MAN1A1: variants seen among roughly 807,000 people sequenced by gnomAD.
MAN1A1 encodes mannosyl-oligosaccharide 1,2-alpha-mannosidase IA.
A neutral mutation model predicts 70.8 loss-of-function variants in MAN1A1; 29 were observed. The observed-to-expected ratio is 0.41, with a 90% CI of 0.31 to 0.56. The LOEUF is 0.56. Among genes scored for constraint, MAN1A1 ranks in the 20% least tolerant of loss-of-function variants. The probability of loss-of-function intolerance (pLI) is 0.29; values close to 1 mark genes in which losing one functional copy is unlikely to be tolerated. For missense variants in MAN1A1, 747 were observed against 841.3 expected (o/e 0.89, Z 1.39); for synonymous variants, 349 against 330.1 (o/e 1.06, Z -0.62).
At chr6:119,234,139 C>T (rs959066784) in intron 6 of MAN1A1, among the ~76,000 whole-genome samples, 1 of 152,146 alleles carries the variant, frequency 6.6e-6, no homozygotes, top group Non-Finnish European at 1.5e-5. Context: ...TGATCTCCCA[C>T]TTCAAGATAA....
intron 2 of MAN1A1, among the ~76,000 whole-genome samples, chr6:119,322,812 C>A (rs17081026): frequency 2.6e-5 from 4 of 152,192 alleles, no homozygotes; most frequent in African/African-American, 9.6e-5. Context: ...GCAAACCAAG[C>A]TGTGGGTAAC....
intron 2 of MAN1A1, among the ~76,000 whole-genome samples, chr6:119,333,498 G>A (rs1233830923): frequency 2.0e-5 from 3 of 152,180 alleles, no homozygotes; most frequent in South Asian, 4.1e-4. Flanking sequence ...CATTAGTACC[G>A]CCTCTCTCCA....
At chr6:119,199,554 T>TA (rs917448551) in intron 8 of MAN1A1, among the ~76,000 whole-genome samples, 12 of 152,268 alleles carry the variant, frequency 7.9e-5, no homozygotes, top group African/African-American at 2.6e-4. Context: ...TTTTTTTTTT[T>TA]ACTGTTTCAG....
At chr6:119,259,347 T>C (rs1308399294) in intron 5 of MAN1A1, among the ~76,000 whole-genome samples, 1 of 152,194 alleles carries the variant, frequency 6.6e-6, no homozygotes, top group Non-Finnish European at 1.5e-5. Flanking sequence ...ATTTGAACAA[T>C]TAAACTCTAT....
intron 6 of MAN1A1, among the ~76,000 whole-genome samples, chr6:119,205,318 A>C (rs200464848): frequency 2.0e-5 from 3 of 152,224 alleles, no homozygotes; most frequent in East Asian, 3.8e-4. Context: ...TTTTATGTGG[A>C]TAGAAGATAA....
At position 119,200,453 on chromosome 6, in the gene MAN1A1, TA is replaced by T. The variant is rs140209288; in HGVS notation, c.1210+800del. 2.8e-3 allele frequency among the ~76,000 whole-genome samples: 422 copies of T among 152,308 alleles called. 4 individuals are homozygous for T. Among genetic ancestry groups the T allele is most frequent in the African/African-American group, 9.4e-3 (389 of 41,560 alleles). ...AACTATTCTTTAAGAAAAGTACTTC[TA>T]AAGTAATAATGAGGTATCTAAGAAC... On this transcript the variant is annotated intron_variant, in intron 8 of 12. Transcript: ENST00000368468.
At chr6:119,199,741 C>CAA (rs11383265) in intron 8 of MAN1A1, among the ~76,000 whole-genome samples, 287 of 140,974 alleles carry the variant, frequency 2.0e-3, no homozygotes, top group Middle Eastern at 0.011. Context: ...TTCTCTCTAC[C>CAA]AAAAAAAAAA....
intron 2 of MAN1A1, among the ~76,000 whole-genome samples, chr6:119,336,000 A>C (rs539765033): frequency 6.6e-6 from 1 of 152,186 alleles, no homozygotes; most frequent in East Asian, 1.9e-4. Flanking sequence ...ACCTAGCAAC[A>C]TGCTAAAAAT....
At chr6:119,269,218 T>G (rs919233545) in intron 5 of MAN1A1, 1 of 255,164 alleles carries the variant, frequency 3.9e-6, no homozygotes, top group Non-Finnish European at 7.7e-6. Context: ...CATAGCCTCA[T>G]AAGCTGCTTT....
chr6:119,258,805 C>T (rs1775529125), intron 5 of MAN1A1, among the ~76,000 whole-genome samples: 1 of 152,014 alleles, frequency 6.6e-6, no homozygotes, highest in Non-Finnish European at 1.5e-5. Context: ...AATGATCCTG[C>T]CTTTACTCAG....
At chr6:119,214,545 G>C (rs1158945451) in intron 6 of MAN1A1, among the ~76,000 whole-genome samples, 1 of 151,676 alleles carries the variant, frequency 6.6e-6, no homozygotes, top group African/African-American at 2.4e-5. Flanking sequence ...TTTTAGACAG[G>C]GTCTCACTCT....
At chr6:119,217,762 A>C (rs1419458748) in intron 6 of MAN1A1, among the ~76,000 whole-genome samples, 2 of 152,196 alleles carry the variant, frequency 1.3e-5, no homozygotes, top group Non-Finnish European at 2.9e-5. Context: ...ACCCCATTGC[A>C]ATTCCTCCTG....
Position 119,204,814 on chromosome 6 carries a change from T to G in MAN1A1, c.1061A>C (p.His354Pro). The part of the protein sequence containing the change: ...SSILAEFGTL[H>P]LEFMHLSHLS... ...GTGGCTCAAGTGCATAAACTCCAAATGCAGGGTTCCAAATTCTGCCAGAAT... is the reference window on the plus strand; with the variant it reads ...GTGGCTCAAGTGCATAAACTCCAAAGGCAGGGTTCCAAATTCTGCCAGAAT... Residue 354 changes from histidine to proline, a missense_variant, in exon 7 of 13, where the codon CAT (histidine) becomes CCT (proline). Around this residue, in one of 2 missense-constraint regions of MAN1A1, gnomAD observed 419 missense variants for 548.2 expected, o/e 0.76. Transcript: ENST00000368468. The G allele has an allele frequency of 6.2e-7, 1 of 1,614,016 alleles. No individual in the cohort carries two copies. Among genetic ancestry groups the G allele is most frequent in the Non-Finnish European group, 8.5e-7 (1 of 1,179,910 alleles).
intron 2 of MAN1A1, among the ~76,000 whole-genome samples, chr6:119,339,141 A>G (rs1008078047): frequency 6.6e-6 from 1 of 152,216 alleles, no homozygotes; most frequent in Non-Finnish European, 1.5e-5. Flanking sequence ...TTCATCACTT[A>G]TGAAATTCAC....
intron 7 of MAN1A1, 56 bp downstream of exon 7, chr6:119,204,703 A>C: frequency 6.2e-7 from 1 of 1,600,090 alleles, no homozygotes; most frequent in Non-Finnish European, 8.5e-7. Context: ...TCTCAGAGAC[A>C]ATACTGTTTC....
At chr6:119,313,139 A>G (rs1481517262) in intron 2 of MAN1A1, among the ~76,000 whole-genome samples, 1 of 152,166 alleles carries the variant, frequency 6.6e-6, no homozygotes, top group Admixed American at 6.5e-5. Context: ...ACGGGAAAGG[A>G]AAGAAAAGAG....
chr6:119,192,184 C>A (rs375793495), intron 9 of MAN1A1, among the ~76,000 whole-genome samples: 2 of 152,046 alleles, frequency 1.3e-5, no homozygotes, highest in African/African-American at 4.8e-5. Context: ...AGATCTTAGA[C>A]GGCCAATTTA....
intron 6 of MAN1A1, among the ~76,000 whole-genome samples, chr6:119,209,477 C>T (rs1008177300): frequency 1.3e-5 from 2 of 152,222 alleles, no homozygotes; most frequent in African/African-American, 2.4e-5. Flanking sequence ...TACTCCCTCA[C>T]ATCCCATACA....
chr6:119,295,899 C>T (rs978257209), intron 4 of MAN1A1, among the ~76,000 whole-genome samples: 1 of 152,164 alleles, frequency 6.6e-6, no homozygotes, highest in African/African-American at 2.4e-5. Flanking sequence ...TAAATAACAA[C>T]TGCTCCATTA....
Sources: allele counts gnomAD v4.1 joint callset (sites outside exome capture counted in the v4.1 genomes callset), GRCh38; gene constraint gnomAD v4.1.1; regional missense constraint gnomAD v4.1.1; transcripts MANE v1.5; gene names NCBI Gene and HGNC (gene_info 2026-07-23, HGNC 2026-07-21).